ESRRG: variants seen among roughly 807,000 people sequenced by gnomAD.
ESRRG encodes the protein estrogen-related receptor gamma.
Under a neutral mutation model 44.0 loss-of-function variants are expected in ESRRG, and 13 were observed. The observed-to-expected ratio is 0.30, with a 90% confidence interval of 0.19 to 0.47. ESRRG has a LOEUF of 0.47. ESRRG is among the 20% of genes least tolerant of loss of function. The pLI is 1.00. For synonymous variants in ESRRG, 215 were observed against 214.6 expected (o/e 1.00, Z -0.02); for missense variants, 395 against 580.6 (o/e 0.68, Z 3.29).
chr1:217,001,352 T>C (rs2077013299), intron 1 of ESRRG, among the ~76,000 whole-genome samples: 1 of 152,214 alleles, frequency 6.6e-6, no homozygotes, highest in African/African-American at 2.4e-5. Flanking sequence ...CACCAGAGTC[T>C]GAAAATGAGT....
At chr1:217,074,457 A>G (rs1200184376) in intron 1 of ESRRG, among the ~76,000 whole-genome samples, 1 of 151,888 alleles carries the variant, frequency 6.6e-6, no homozygotes, top group African/African-American at 2.4e-5. Flanking sequence ...CCCCCCAAAA[A>G]AAAAAAAACT....
chr1:216,969,604 AG>A (rs1455952524), intron 1 of ESRRG, among the ~76,000 whole-genome samples: 1 of 152,012 alleles, frequency 6.6e-6, no homozygotes, highest in Non-Finnish European at 1.5e-5. Context: ...TCCTTTTTTG[AG>A]ACGGAGTTTC....
intron 2 of ESRRG, among the ~76,000 whole-genome samples, chr1:216,904,782 C>T (rs2059500708): frequency 6.6e-6 from 1 of 152,172 alleles, no homozygotes; most frequent in African/African-American, 2.4e-5. Flanking sequence ...CCAGCCATTG[C>T]TTGGAAGTCT....
intron 5 of ESRRG, among the ~76,000 whole-genome samples, chr1:216,556,675 C>T (rs1017637607): frequency 3.9e-5 from 6 of 152,158 alleles, no homozygotes; most frequent in African/African-American, 1.4e-4. Flanking sequence ...CCTCAAGTCA[C>T]ATCTTCTTCC....
At chr1:216,775,467 C>T (rs2093567604) in intron 2 of ESRRG, among the ~76,000 whole-genome samples, 1 of 147,544 alleles carries the variant, frequency 6.8e-6, no homozygotes, top group Non-Finnish European at 1.5e-5. Context: ...CTGTGTTTCT[C>T]ATGTTGGTGA....
intron 2 of ESRRG, among the ~76,000 whole-genome samples, chr1:216,657,785 G>A (rs1262687777): frequency 6.6e-6 from 1 of 152,096 alleles, no homozygotes; most frequent in Non-Finnish European, 1.5e-5. Flanking sequence ...GTGTGCACAA[G>A]TCTCATGCTC....
chr1:216,549,068 A>T (rs2055442929), intron 5 of ESRRG, among the ~76,000 whole-genome samples: 1 of 152,126 alleles, frequency 6.6e-6, no homozygotes, highest in African/African-American at 2.4e-5. Context: ...AGAATCTCTC[A>T]ATGACTATTT....
chr1:216,819,694 T>C (rs2095244880), intron 2 of ESRRG, among the ~76,000 whole-genome samples: 1 of 152,342 alleles, frequency 6.6e-6, no homozygotes, highest in Non-Finnish European at 1.5e-5. Context: ...ATTTTGGCTA[T>C]GTTCAGTGTT....
intron 2 of ESRRG, among the ~76,000 whole-genome samples, chr1:216,820,297 A>G (rs2095258174): frequency 6.6e-6 from 1 of 152,210 alleles, no homozygotes; most frequent in South Asian, 2.1e-4. Flanking sequence ...TTATTCTTAC[A>G]TTCCCCTTTA....
At chr1:216,826,220 T>C (rs531447426) in intron 2 of ESRRG, among the ~76,000 whole-genome samples, 6 of 149,290 alleles carry the variant, frequency 4.0e-5, no homozygotes, top group East Asian at 3.9e-4. Flanking sequence ...CACACACCCA[T>C]AGGGACATAC....
intron 3 of ESRRG, among the ~76,000 whole-genome samples, chr1:216,570,581 T>C (rs896967255): frequency 2.0e-5 from 3 of 152,144 alleles, no homozygotes; most frequent in African/African-American, 7.2e-5. Context: ...CCTCTTTCAT[T>C]ATAAGAATTT....
At position 216,670,487 on chromosome 1, in the gene ESRRG, G is replaced by C. The variant is rs1196550524; in HGVS notation, c.472+6589C>G. Among the ~76,000 whole-genome samples the C allele has an allele frequency of 2.0e-5, 3 of 152,296 alleles. No homozygotes were observed. The East Asian group carries it at 5.8e-4, about 29-fold the overall frequency. ...GCCTGAAGGCTGTGGGCTTTAGAAG[G>C]TATACGTAGCACAAAGATCCCACTC... On this transcript the variant is annotated intron_variant, in intron 2 of 6. Transcript: ENST00000408911.
intron 1 of ESRRG, among the ~76,000 whole-genome samples, chr1:216,706,441 G>T (rs1224412024): frequency 6.6e-6 from 1 of 152,164 alleles, no homozygotes; most frequent in African/African-American, 2.4e-5. Flanking sequence ...TGCAGAAAAT[G>T]CTGGCTGTGC....
intron 2 of ESRRG, among the ~76,000 whole-genome samples, chr1:216,669,112 A>AAAG: frequency 6.6e-6 from 1 of 151,644 alleles, no homozygotes; most frequent in Non-Finnish European, 1.5e-5. Context: ...TAAAAAAAAA[A>AAAG]CAAAACAAAG....
chr1:216,805,619 C>A (rs558788079), intron 2 of ESRRG, among the ~76,000 whole-genome samples: 100 of 151,832 alleles, frequency 6.6e-4, no homozygotes, highest in African/African-American at 2.3e-3. Flanking sequence ...TGAGAATAAA[C>A]AAAGGTACAG....
At chr1:216,810,536 G>A (rs1039538530) in intron 2 of ESRRG, among the ~76,000 whole-genome samples, 3 of 148,988 alleles carry the variant, frequency 2.0e-5, no homozygotes, top group Non-Finnish European at 4.4e-5. Flanking sequence ...TACAGAATGT[G>A]GTGGTCAAGT....
intron 2 of ESRRG, among the ~76,000 whole-genome samples, chr1:216,830,122 T>C (rs2095464069): frequency 6.6e-6 from 1 of 152,184 alleles, no homozygotes; most frequent in Non-Finnish European, 1.5e-5. Context: ...CATTGCAAGG[T>C]GCCATTAGGG....
chr1:217,060,818 A>AGATAGATAGAT (rs1553266160), intron 1 of ESRRG, among the ~76,000 whole-genome samples: 17,438 of 149,978 alleles, frequency 0.12, 1,189 homozygotes, highest in Admixed American at 0.19. Flanking sequence ...ATAGATAGAT[A>AGATAGATAGAT]GATAGATAGA....
At chr1:217,025,965 G>A (rs1035132025) in intron 1 of ESRRG, among the ~76,000 whole-genome samples, 8 of 152,086 alleles carry the variant, frequency 5.3e-5, no homozygotes, top group Non-Finnish European at 1.0e-4. Context: ...GATGAGAGAA[G>A]AAATAGCCAA....
Sources: gnomAD v4.1 joint callset for allele counts (sites outside exome capture counted in the v4.1 genomes callset) on GRCh38, gnomAD v4.1.1 for gene constraint, MANE v1.5 for transcripts, NCBI Gene and HGNC (gene_info 2026-07-23, HGNC 2026-07-21) for gene names.